Variants in PCDHA8 observed in about 807,000 individuals in gnomAD.
PCDHA8 encodes the protein protocadherin alpha 8, also known as protocadherin alpha-8.
A neutral mutation model predicts 61.8 loss-of-function variants in PCDHA8; 53 were observed. The ratio of observed to expected loss-of-function variants is 0.86; its 90% CI spans 0.69 to 1.08. The LOEUF (loss-of-function observed/expected upper bound fraction) is 1.08, where lower values mean the gene tolerates loss of function less well. Ranked by LOEUF, PCDHA8 falls within the 50% of genes least tolerant of loss-of-function variation. The pLI, the probability that PCDHA8 is intolerant of heterozygous loss-of-function variation, is 0.00. For missense variants in PCDHA8, 1,293 were observed against 1,245.0 expected (o/e 1.04, Z -0.58); for synonymous variants, 618 against 556.6 (o/e 1.11, Z -1.55).
At chr5:140,850,831 G>C (rs981885351) in intron 1 of PCDHA8, 1 of 1,598,080 alleles carries the variant, frequency 6.3e-7, no homozygotes, top group Non-Finnish European at 8.6e-7. Context: ...CTTTCTCCTT[G>C]TGCTGGATCT....
intron 3 of PCDHA8, among the ~76,000 whole-genome samples, chr5:140,998,878 T>C (rs1379445555): frequency 6.6e-6 from 1 of 152,218 alleles, no homozygotes; most frequent in Non-Finnish European, 1.5e-5. Context: ...ATAATAAGTT[T>C]AGTTGAATAA....
chr5:140,865,419 T>A (rs1327080302), intron 1 of PCDHA8: 2 of 152,314 alleles, frequency 1.3e-5, no homozygotes, highest in African/African-American at 4.8e-5. Flanking sequence ...ATTAGTAGTG[T>A]CTACCTAGAA....
intron 1 of PCDHA8, chr5:140,870,343 C>G (rs375366430): frequency 1.7e-5 from 28 of 1,614,042 alleles, no homozygotes; most frequent in Non-Finnish European, 2.2e-5. Context: ...CGCCCTGGAC[C>G]GCGAGAACGT....
intron 1 of PCDHA8, chr5:140,848,792 C>CAG (rs2150420729): frequency 1.3e-6 from 2 of 1,592,840 alleles, no homozygotes; most frequent in Non-Finnish European, 8.6e-7. Context: ...GCGGGCGGAG[C>CAG]GCGGAGTGCA....
chr5:140,904,225 T>A (rs782022279), intron 1 of PCDHA8, among the ~76,000 whole-genome samples: 5 of 152,020 alleles, frequency 3.3e-5, no homozygotes, highest in Non-Finnish European at 5.9e-5. Context: ...CATTGTATTA[T>A]ACTTATGCCT....
chr5:140,845,771 A>C (rs1034344709), intron 1 of PCDHA8, among the ~76,000 whole-genome samples: 1 of 149,762 alleles, frequency 6.7e-6, no homozygotes, highest in African/African-American at 2.4e-5. Flanking sequence ...GTTAATAGTT[A>C]TAAATTATTA....
At chr5:140,937,199 G>T (rs2091405017) in intron 1 of PCDHA8, among the ~76,000 whole-genome samples, 1 of 151,792 alleles carries the variant, frequency 6.6e-6, no homozygotes, top group African/African-American at 2.4e-5. Flanking sequence ...CACCATGCCC[G>T]GCTAATTTTT....
intron 1 of PCDHA8, among the ~76,000 whole-genome samples, chr5:140,885,485 TTC>T (rs1412041657): frequency 1.3e-5 from 2 of 152,188 alleles, no homozygotes; most frequent in Admixed American, 6.5e-5. Context: ...GTGTCAAGTG[TTC>T]TGTTATCTTC....
In PCDHA8 at chr5:141,010,888, T is replaced by C. The variant is rs1419215366; in HGVS notation, c.*951T>C. The stretch of plus-strand genomic sequence containing the variant: ...AGCTATAAATCTTTAAAGAGAAATA[T>C]GAATACAATTCCCCTAAACTCTCCT... On this transcript the variant is annotated 3_prime_UTR_variant, in exon 4 of 4. Transcript: ENST00000531613. The C allele has an allele frequency of 3.9e-5, 6 of 153,866 alleles. 1 individual carries two copies. The highest frequency in any genetic ancestry group is 1.4e-4 in the African/African-American group (6 of 41,562). The allele number at this position is 153,866 out of a possible 1,614,324, so 9.5% of individuals were successfully genotyped here. A position where few individuals can be genotyped will look rare whatever the true frequency, so the allele number is the denominator to read the frequency against.
intron 3 of PCDHA8, among the ~76,000 whole-genome samples, chr5:141,004,253 C>G (rs1460798910): frequency 6.6e-6 from 1 of 152,200 alleles, no homozygotes; most frequent in Non-Finnish European, 1.5e-5. Flanking sequence ...TTTTGTTTTA[C>G]TGGAATGAGT....
intron 1 of PCDHA8, chr5:140,850,341 G>A: frequency 6.3e-7 from 1 of 1,597,748 alleles, no homozygotes. Flanking sequence ...GCCAGAAACG[G>A]CCAGCGCGAG....
chr5:140,848,542 T>G (rs2150412544), intron 1 of PCDHA8: 1 of 1,595,366 alleles, frequency 6.3e-7, no homozygotes, highest in Non-Finnish European at 8.6e-7. Context: ...CCTCTACTGC[T>G]CTCGCTTCTG....
intron 1 of PCDHA8, among the ~76,000 whole-genome samples, chr5:140,975,016 G>C (rs782435284): frequency 6.6e-6 from 1 of 152,128 alleles, no homozygotes; most frequent in Non-Finnish European, 1.5e-5. Context: ...AACACAGCTG[G>C]GCTGTGTTGT....
chr5:140,856,885 AT>A lies in PCDHA8; in HGVS notation c.2394+13173del, dbSNP rs781799139. 34 of 1,596,494 alleles carry A rather than the reference AT, an allele frequency of 2.1e-5. 3 individuals carry two copies. Among genetic ancestry groups the A allele is most frequent in the Non-Finnish European group, 2.9e-5 (34 of 1,166,312 alleles). ...GAATAAACAAGGAAATGATGTATTC[AT>A]TTAGCTCTTTGGTCCCACCCACGAT... On this transcript the variant is annotated intron_variant, in intron 1 of 3. Transcript: ENST00000531613.
chr5:140,863,178 C>G (rs1420894530), intron 1 of PCDHA8: 3 of 736,630 alleles, frequency 4.1e-6, no homozygotes, highest in African/African-American at 3.6e-5. Flanking sequence ...TGACTGCCAC[C>G]GTCACCGTGG....
At chr5:140,969,112 A>G (rs781784282) in intron 1 of PCDHA8, 4 of 1,614,022 alleles carry the variant, frequency 2.5e-6, no homozygotes, top group Admixed American at 3.3e-5. Context: ...TTGAAGTTCG[A>G]GGGAATGGCT....
chr5:140,953,110 G>A (rs1384996852), intron 1 of PCDHA8, among the ~76,000 whole-genome samples: 2 of 152,074 alleles, frequency 1.3e-5, no homozygotes, highest in Non-Finnish European at 2.9e-5. Flanking sequence ...ATTTGGGCAG[G>A]GACACAGATC....
chr5:140,856,458 A>G, intron 1 of PCDHA8: 1 of 1,598,416 alleles, frequency 6.3e-7, no homozygotes, highest in South Asian at 1.1e-5. Context: ...GTAACAGAAC[A>G]AAAGCTCTCA....
intron 1 of PCDHA8, chr5:140,969,591 T>C: frequency 2.4e-6 from 2 of 829,486 alleles, no homozygotes; most frequent in South Asian, 2.0e-5. Context: ...TTAGTCTTAA[T>C]ATTTAATGCT....
Sources: allele counts gnomAD v4.1 joint callset (sites outside exome capture counted in the v4.1 genomes callset), GRCh38; gene constraint gnomAD v4.1.1; transcripts MANE v1.5; gene names NCBI Gene and HGNC (gene_info 2026-07-23, HGNC 2026-07-21).